Variants in GPC5 observed in about 807,000 individuals in gnomAD.
GPC5 encodes glypican-5.
Under a neutral mutation model 53.9 loss-of-function variants are expected in GPC5, and 47 were observed. The ratio of observed to expected loss-of-function variants is 0.87; its 90% CI spans 0.69 to 1.11. The LOEUF is 1.11. Among genes scored for constraint, GPC5 ranks in the 50% most tolerant of loss-of-function variants. The pLI is 0.00. For missense variants in GPC5, 748 were observed against 713.1 expected, an observed-to-expected ratio of 1.05 and a Z score of -0.56; for synonymous variants, 286 against 263.3, an observed-to-expected ratio of 1.09 and a Z score of -0.84.
chr13:91,724,142 C>G (rs2036530030), intron 3 of GPC5, among the ~76,000 whole-genome samples: 1 of 152,138 alleles, frequency 6.6e-6, no homozygotes, highest in South Asian at 2.1e-4. Context: ...AGCATAGTTC[C>G]TCTGGACAGT....
At chr13:92,551,442 T>C (rs2139016602) in intron 7 of GPC5, among the ~76,000 whole-genome samples, 1 of 152,002 alleles carries the variant, frequency 6.6e-6, no homozygotes, top group South Asian at 2.1e-4. Flanking sequence ...AAGTTTGAGA[T>C]GGTTAGCAAC....
chr13:91,897,863 C>T (rs1448943018), intron 5 of GPC5, among the ~76,000 whole-genome samples: 2 of 152,154 alleles, frequency 1.3e-5, no homozygotes, highest in African/African-American at 4.8e-5. Flanking sequence ...AGTGCGACCA[C>T]ACAGTTCAGA....
intron 7 of GPC5, among the ~76,000 whole-genome samples, chr13:92,354,978 A>T (rs907456534): frequency 9.1e-6 from 1 of 110,428 alleles, no homozygotes; most frequent in South Asian, 2.9e-4. Flanking sequence ...TATGCATATT[A>T]GCTTTAATAT....
At chr13:91,974,592 A>T (rs566003450) in intron 6 of GPC5, among the ~76,000 whole-genome samples, 24 of 152,280 alleles carry the variant, frequency 1.6e-4, no homozygotes, top group African/African-American at 5.8e-4. Context: ...AAGGAGAACT[A>T]CAAACCACTG....
chr13:91,951,481 C>A (rs2040025576), intron 6 of GPC5, among the ~76,000 whole-genome samples: 1 of 152,130 alleles, frequency 6.6e-6, no homozygotes, highest in Non-Finnish European at 1.5e-5. Flanking sequence ...TACATTCATA[C>A]TTTTAATTCG....
chr13:92,234,812 C>G (rs142388389), intron 7 of GPC5, among the ~76,000 whole-genome samples: 1 of 152,242 alleles, frequency 6.6e-6, no homozygotes, highest in Non-Finnish European at 1.5e-5. Context: ...GGTCAAACAG[C>G]TCTTTCTATA....
intron 4 of GPC5, among the ~76,000 whole-genome samples, chr13:91,735,394 A>T (rs2036792919): frequency 6.6e-6 from 1 of 151,020 alleles, no homozygotes; most frequent in Non-Finnish European, 1.5e-5. Flanking sequence ...TCATGTAATT[A>T]TACTGGCCTA....
intron 7 of GPC5, among the ~76,000 whole-genome samples, chr13:92,201,915 A>G (rs548695284): frequency 1.3e-5 from 2 of 152,336 alleles, no homozygotes; most frequent in Admixed American, 6.5e-5. Flanking sequence ...CATGGAAGTT[A>G]CTTTGGCAAC....
intron 3 of GPC5, among the ~76,000 whole-genome samples, chr13:91,723,449 G>T (rs1326567630): frequency 1.4e-5 from 2 of 146,048 alleles, no homozygotes; most frequent in Non-Finnish European, 3.0e-5. Context: ...CACAATTAAA[G>T]CTCAAAATGA....
intron 7 of GPC5, among the ~76,000 whole-genome samples, chr13:92,342,099 C>T (rs2043371563): frequency 6.6e-6 from 1 of 152,104 alleles, no homozygotes; most frequent in South Asian, 2.1e-4. Context: ...TTCACCATCA[C>T]CACACACTTC....
chr13:92,449,332 C>G (rs553437067), intron 7 of GPC5, among the ~76,000 whole-genome samples: 2 of 152,208 alleles, frequency 1.3e-5, no homozygotes, highest in Admixed American at 1.3e-4. Context: ...TGACTCTAAT[C>G]CTTGTTTCCA....
At chr13:91,809,990 G>A (rs747399981) in intron 5 of GPC5, among the ~76,000 whole-genome samples, 2 of 151,846 alleles carry the variant, frequency 1.3e-5, no homozygotes, top group Admixed American at 6.6e-5. Flanking sequence ...GGAATTATGT[G>A]CAATTAAAAA....
At chr13:91,443,409 C>G (rs1880577693) in intron 1 of GPC5, among the ~76,000 whole-genome samples, 1 of 152,060 alleles carries the variant, frequency 6.6e-6, no homozygotes, top group African/African-American at 2.4e-5. Flanking sequence ...AGTGGGCTCC[C>G]TGAATTTAAA....
chr13:91,834,860 C>T (rs1374437849), intron 5 of GPC5, among the ~76,000 whole-genome samples: 2 of 152,036 alleles, frequency 1.3e-5, no homozygotes. Flanking sequence ...ACTAAAACAC[C>T]AAAAGCAATG....
At chr13:92,512,255 C>T (rs529026954) in intron 7 of GPC5, among the ~76,000 whole-genome samples, 80 of 151,406 alleles carry the variant, frequency 5.3e-4, no homozygotes, top group African/African-American at 1.7e-3. Flanking sequence ...TGTGTGCGCG[C>T]GCGCGCGCGT....
At chr13:92,347,642 A>G (rs2043424583) in intron 7 of GPC5, among the ~76,000 whole-genome samples, 1 of 150,406 alleles carries the variant, frequency 6.6e-6, no homozygotes, top group Non-Finnish European at 1.5e-5. Flanking sequence ...CAGAATACTG[A>G]AGTACTGTAA....
chr13:92,347,613 A>G (rs1400862488), intron 7 of GPC5, among the ~76,000 whole-genome samples: 1 of 151,164 alleles, frequency 6.6e-6, no homozygotes, highest in African/African-American at 2.4e-5. Flanking sequence ...CAGTGGTATA[A>G]GTAAAGCAGA....
intron 5 of GPC5, among the ~76,000 whole-genome samples, chr13:91,797,411 C>T (rs2038064044): frequency 6.6e-6 from 1 of 152,026 alleles, no homozygotes; most frequent in South Asian, 2.1e-4. Context: ...AGAGAACACA[C>T]CTCCCTCCCT....
chr13:92,385,473 T>TAC (rs1343588044), intron 7 of GPC5, among the ~76,000 whole-genome samples: 1,307 of 59,452 alleles, frequency 0.022, 69 homozygotes, highest in South Asian at 0.059. Flanking sequence ...CATATATACA[T>TAC]ATATACATAT....
Sources: allele counts gnomAD v4.1 joint callset (sites outside exome capture counted in the v4.1 genomes callset), GRCh38; gene constraint gnomAD v4.1.1; transcripts MANE v1.5; gene names NCBI Gene and HGNC (gene_info 2026-07-23, HGNC 2026-07-21).